The following ATP8B4 variants were observed in gnomAD, a reference collection of about 807,000 sequenced individuals.
ATP8B4 encodes the protein probable phospholipid-transporting ATPase IM.
In ATP8B4, 133 loss-of-function variants were observed where a neutral mutation model predicts 145.6. The ratio of observed to expected loss-of-function variants is 0.91; its 90% CI spans 0.79 to 1.05. ATP8B4 has a LOEUF of 1.05. ATP8B4 is among the 50% of genes least tolerant of loss of function. The pLI, the probability that ATP8B4 is intolerant of heterozygous loss-of-function variation, is 0.00. For missense variants in ATP8B4, 1,458 were observed against 1,425.2 expected, an observed-to-expected ratio of 1.02 and a Z score of -0.37; for synonymous variants, 507 against 492.9, an observed-to-expected ratio of 1.03 and a Z score of -0.38.
chr15:50,155,637 G>T (rs577040111), intron 1 of ATP8B4, among the ~76,000 whole-genome samples: 1 of 151,920 alleles, frequency 6.6e-6, no homozygotes, highest in South Asian at 2.1e-4. Flanking sequence ...TTCTTAAGGG[G>T]GTTCTACATA....
chr15:50,171,918 A>C (rs1022202195), intron 1 of ATP8B4, among the ~76,000 whole-genome samples: 1 of 152,258 alleles, frequency 6.6e-6, no homozygotes, highest in Non-Finnish European at 1.5e-5. Flanking sequence ...GCAAAAGGTC[A>C]TTCAAGGCTA....
At chr15:49,904,091 C>T (rs969657500) in intron 20 of ATP8B4, among the ~76,000 whole-genome samples, 15 of 152,074 alleles carry the variant, frequency 9.9e-5, no homozygotes, top group African/African-American at 2.7e-4. Flanking sequence ...GATTAGCCAG[C>T]GACAGATCCA....
At chr15:50,124,866 T>C (rs1295013823) in intron 1 of ATP8B4, among the ~76,000 whole-genome samples, 1 of 152,194 alleles carries the variant, frequency 6.6e-6, no homozygotes, top group Non-Finnish European at 1.5e-5. Flanking sequence ...ATGACCCAGC[T>C]TTAAACCAGA....
At chr15:50,074,367 T>G (rs1397916498) in intron 2 of ATP8B4, among the ~76,000 whole-genome samples, 182 bp from the exon 3 acceptor site, 1 of 152,214 alleles carries the variant, frequency 6.6e-6, no homozygotes, top group Non-Finnish European at 1.5e-5. Flanking sequence ...AGTCCCAAAA[T>G]GGAAAGCTAC....
At chr15:49,894,701 A>AGG (rs777361880) in intron 23 of ATP8B4, among the ~76,000 whole-genome samples, 2 of 152,198 alleles carry the variant, frequency 1.3e-5, no homozygotes, top group African/African-American at 2.4e-5. Flanking sequence ...AGTGGTGATC[A>AGG]GGCTGCACAC....
At chr15:49,899,149 T>C (rs1439890249) in intron 21 of ATP8B4, among the ~76,000 whole-genome samples, 4 of 152,186 alleles carry the variant, frequency 2.6e-5, no homozygotes, top group African/African-American at 2.4e-5. Flanking sequence ...TTTCCCATCA[T>C]GCCAAATTGC....
At chr15:50,125,720 C>T (rs1329177624) in intron 1 of ATP8B4, among the ~76,000 whole-genome samples, 1 of 152,184 alleles carries the variant, frequency 6.6e-6, no homozygotes, top group East Asian at 1.9e-4. Context: ...TGACTACCTG[C>T]CTCACCTATT....
intron 14 of ATP8B4, among the ~76,000 whole-genome samples, chr15:49,953,584 G>A (rs2043289160): frequency 6.6e-6 from 1 of 152,188 alleles, no homozygotes; most frequent in African/African-American, 2.4e-5. Flanking sequence ...AGTGCATCCT[G>A]GAGCTACAGA....
At chr15:50,060,537 T>C (rs1425915832) in intron 3 of ATP8B4, among the ~76,000 whole-genome samples, 2 of 152,130 alleles carry the variant, frequency 1.3e-5, no homozygotes, top group African/African-American at 4.8e-5. Flanking sequence ...TAAATTTGCA[T>C]GGGAATACCT....
chr15:50,080,949 G>A (rs892724741), intron 2 of ATP8B4, among the ~76,000 whole-genome samples: 5 of 151,650 alleles, frequency 3.3e-5, no homozygotes, highest in East Asian at 3.9e-4. Flanking sequence ...CCATCTCTAC[G>A]AAAAATACAA....
At chr15:50,017,075 T>C (rs1183077204) in intron 6 of ATP8B4, among the ~76,000 whole-genome samples, 1 of 152,202 alleles carries the variant, frequency 6.6e-6, no homozygotes, top group Non-Finnish European at 1.5e-5. Flanking sequence ...TTCTATCATT[T>C]CAATTTCAAT....
intron 2 of ATP8B4, among the ~76,000 whole-genome samples, chr15:50,103,693 A>G (rs965010717): frequency 6.6e-6 from 1 of 152,214 alleles, no homozygotes; most frequent in African/African-American, 2.4e-5. Flanking sequence ...ATTCCCATCA[A>G]AATACCAACA....
At chr15:50,006,443 CGTGAAGTTATAAAACTTAAAAGA>C (rs1424638304) in intron 7 of ATP8B4, among the ~76,000 whole-genome samples, 1 of 132,972 alleles carries the variant, frequency 7.5e-6, no homozygotes, top group Non-Finnish European at 1.5e-5. Context: ...GCAACTCTGA[CGTGAAGTTATAAAACTTAAAAGA>C]GCAATGAGGG....
intron 19 of ATP8B4, 79 bp from the exon 20 acceptor site, chr15:49,917,118 T>C (rs555589442): frequency 2.6e-4 from 351 of 1,371,320 alleles, no homozygotes; most frequent in Non-Finnish European, 3.5e-4. Context: ...TTTTGAGGGC[T>C]TAGCTGTATT....
intron 9 of ATP8B4, among the ~76,000 whole-genome samples, chr15:49,994,410 C>G (rs536800735): frequency 6.6e-6 from 1 of 152,030 alleles, no homozygotes; most frequent in African/African-American, 2.4e-5. Flanking sequence ...CTCGGCCCCC[C>G]AATGGGATTT....
chr15:49,930,837 T>C (rs2041184693), intron 16 of ATP8B4, among the ~76,000 whole-genome samples: 2 of 152,082 alleles, frequency 1.3e-5, no homozygotes, highest in Non-Finnish European at 2.9e-5. Flanking sequence ...ATGGAGAGCA[T>C]TTTTGTGGTT....
chr15:49,938,444 A>G (rs1397340648), intron 14 of ATP8B4, among the ~76,000 whole-genome samples: 1 of 152,180 alleles, frequency 6.6e-6, no homozygotes, highest in Non-Finnish European at 1.5e-5. Flanking sequence ...AACAGAAAAG[A>G]CCAAGGATCA....
chr15:50,094,727 T>TAC (rs1397608765), intron 2 of ATP8B4, among the ~76,000 whole-genome samples: 1 of 116,190 alleles, frequency 8.6e-6, no homozygotes, highest in African/African-American at 3.0e-5. Flanking sequence ...TATATATATA[T>TAC]ACACACACAC....
intron 1 of ATP8B4, among the ~76,000 whole-genome samples, chr15:50,109,459 T>C (rs1436672645): frequency 6.6e-6 from 1 of 152,094 alleles, no homozygotes; most frequent in Non-Finnish European, 1.5e-5. Context: ...GAATGAATTC[T>C]GTGACAACGA....
Sources: gnomAD v4.1 joint callset for allele counts (sites outside exome capture counted in the v4.1 genomes callset) on GRCh38, gnomAD v4.1.1 for gene constraint, MANE v1.5 for transcripts, NCBI Gene and HGNC (gene_info 2026-07-23, HGNC 2026-07-21) for gene names.